CCL28: variants seen among roughly 807,000 people sequenced by gnomAD.
CCL28 encodes C-C motif chemokine 28.
In CCL28, 4 loss-of-function variants were observed where a neutral mutation model predicts 7.1. The observed-to-expected ratio is 0.56, with a 90% CI of 0.28 to 1.29. The LOEUF (loss-of-function observed/expected upper bound fraction) is 1.29, where lower values mean the gene tolerates loss of function less well. Ranked by LOEUF, CCL28 falls within the 50% of genes most tolerant of loss-of-function variation. CCL28 has a pLI of 0.11. For missense variants in CCL28, 151 were observed against 163.4 expected (o/e 0.92, Z 0.41); for synonymous variants, 55 against 57.8 (o/e 0.95, Z 0.22).
At chr5:43,395,310 A>C (rs571975495) in intron 1 of CCL28, among the ~76,000 whole-genome samples, 1 of 151,996 alleles carries the variant, frequency 6.6e-6, no homozygotes, top group East Asian at 1.9e-4. Context: ...GCTTTATCTC[A>C]CTGTATTTGC....
intron 1 of CCL28, among the ~76,000 whole-genome samples, chr5:43,392,662 C>T (rs933025114): frequency 1.3e-5 from 2 of 152,122 alleles, no homozygotes; most frequent in African/African-American, 2.4e-5. Context: ...TTCATAATGT[C>T]GTTTTAAAAT....
chr5:43,360,133 A>T, the CCL28 span, among the ~76,000 whole-genome samples: 1 of 152,148 alleles, frequency 6.6e-6, no homozygotes. Flanking sequence ...GATAGGAAGA[A>T]CCCTTTGGGC....
chr5:43,367,429 C>T, the CCL28 span, among the ~76,000 whole-genome samples: 1 of 152,172 alleles, frequency 6.6e-6, no homozygotes, highest in Non-Finnish European at 1.5e-5. Context: ...AGTATCTGGG[C>T]CGGAGTGCAC....
At chr5:43,394,933 TTTA>T (rs1482812259) in intron 1 of CCL28, among the ~76,000 whole-genome samples, 1 of 151,358 alleles carries the variant, frequency 6.6e-6, no homozygotes, top group Admixed American at 6.6e-5. Flanking sequence ...AGATATGCTA[TTTA>T]TTAAGATTTT....
intron 1 of CCL28, among the ~76,000 whole-genome samples, chr5:43,409,236 G>A (rs1156348263): frequency 2.0e-5 from 3 of 152,162 alleles, no homozygotes; most frequent in African/African-American, 7.2e-5. Flanking sequence ...GACCAGCCTG[G>A]CCAACATGGT....
intron 1 of CCL28, among the ~76,000 whole-genome samples, chr5:43,398,971 CAT>C (rs1296029333): frequency 1.3e-5 from 2 of 152,212 alleles, no homozygotes; most frequent in Non-Finnish European, 2.9e-5. Context: ...TTCCACATCT[CAT>C]GTTTAAAATT....
At chr5:43,391,995 C>T (rs1740591816) in intron 1 of CCL28, among the ~76,000 whole-genome samples, 1 of 152,150 alleles carries the variant, frequency 6.6e-6, no homozygotes, top group African/African-American at 2.4e-5. Context: ...GTGAGAATTT[C>T]TCTACAGCAG....
At chr5:43,367,831 A>G in the CCL28 span, among the ~76,000 whole-genome samples, 1 of 152,188 alleles carries the variant, frequency 6.6e-6, no homozygotes, top group African/African-American at 2.4e-5. Flanking sequence ...GCCCGCAACT[A>G]CCAATGTATG....
the CCL28 span, among the ~76,000 whole-genome samples, chr5:43,361,855 CT>C: frequency 0.5 from 72,509 of 144,498 alleles, 18,097 homozygotes; most frequent in Middle Eastern, 0.62. Flanking sequence ...ATCTATGTGT[CT>C]TTTTTTTTTT....
intron 1 of CCL28, among the ~76,000 whole-genome samples, chr5:43,402,937 C>T (rs1481441885): frequency 1.3e-5 from 2 of 152,248 alleles, no homozygotes; most frequent in African/African-American, 2.4e-5. Flanking sequence ...TGAGATTGAA[C>T]AGCAAGGCGG....
downstream of CCL28, among the ~76,000 whole-genome samples, chr5:43,374,321 G>A (rs922697131): frequency 1.3e-5 from 2 of 152,222 alleles, no homozygotes; most frequent in Admixed American, 6.5e-5. Flanking sequence ...GTGAGGAAGA[G>A]CATAAGCATG....
chr5:43,411,681 C>T (rs1041175963), intron 1 of CCL28, among the ~76,000 whole-genome samples: 1 of 152,184 alleles, frequency 6.6e-6, no homozygotes, highest in East Asian at 1.9e-4. Flanking sequence ...ATCCTCCAGC[C>T]GTAGCCTCCC....
intron 1 of CCL28, among the ~76,000 whole-genome samples, chr5:43,394,976 T>C (rs2111809171): frequency 6.6e-6 from 1 of 151,472 alleles, no homozygotes; most frequent in South Asian, 2.1e-4. Flanking sequence ...TAATCTATAC[T>C]TTTATACCCT....
At chr5:43,369,526 G>A in the CCL28 span, among the ~76,000 whole-genome samples, 1 of 152,142 alleles carries the variant, frequency 6.6e-6, no homozygotes, top group African/African-American at 2.4e-5. Flanking sequence ...CCAGGTTAAA[G>A]CGATTCTCCT....
chr5:43,409,402 G>C (rs565577864), intron 1 of CCL28, among the ~76,000 whole-genome samples: 1 of 152,108 alleles, frequency 6.6e-6, no homozygotes, highest in South Asian at 2.1e-4. Context: ...CTCCAGCCTG[G>C]GCGACAAGAG....
chr5:43,395,527 G>A (rs576053453), intron 1 of CCL28, among the ~76,000 whole-genome samples: 1 of 152,094 alleles, frequency 6.6e-6, no homozygotes, highest in Non-Finnish European at 1.5e-5. Context: ...AAATTTAAAA[G>A]ATTAGCCAGG....
chr5:43,392,451 T>C (rs1032364292), intron 1 of CCL28, among the ~76,000 whole-genome samples: 9 of 152,216 alleles, frequency 5.9e-5, no homozygotes, highest in African/African-American at 9.6e-5. Context: ...CCTGGTGATG[T>C]TGATACTGCT....
chr5:43,369,496 C>A, the CCL28 span, among the ~76,000 whole-genome samples: 1 of 152,116 alleles, frequency 6.6e-6, no homozygotes, highest in Admixed American at 6.5e-5. Flanking sequence ...GGGATCTTGG[C>A]TCACTGCAAC....
chr5:43,405,971 C>A (rs6872121), intron 1 of CCL28, among the ~76,000 whole-genome samples: 5,378 of 152,092 alleles, frequency 0.035, 255 homozygotes, highest in African/African-American at 0.11. Context: ...CCTGAATAGA[C>A]CAATAACAGG....
Sources: allele counts gnomAD v4.1 joint callset (sites outside exome capture counted in the v4.1 genomes callset), GRCh38; gene constraint gnomAD v4.1.1; transcripts MANE v1.5; gene names NCBI Gene and HGNC (gene_info 2026-07-23, HGNC 2026-07-21).